DENND4C: variants seen among roughly 807,000 people sequenced by gnomAD.
The protein encoded by DENND4C is DENN domain containing 4C.
Under a neutral mutation model 203.0 loss-of-function variants are expected in DENND4C, and 108 were observed. The ratio of observed to expected loss-of-function variants is 0.53; its 90% CI spans 0.46 to 0.62. The LOEUF (loss-of-function observed/expected upper bound fraction) is 0.62. Ranked by LOEUF, DENND4C falls within the 20% of genes least tolerant of loss-of-function variation. DENND4C has a pLI of 0.00. For missense variants in DENND4C, 2,481 were observed against 2,301.2 expected, an observed-to-expected ratio of 1.08 and a Z score of -1.60; for synonymous variants, 871 against 792.4, an observed-to-expected ratio of 1.10 and a Z score of -1.67.
chr9:19,357,242 T>G, intron 27 of DENND4C, 88 bp downstream of exon 27: 1 of 1,288,078 alleles, frequency 7.8e-7, no homozygotes, highest in African/African-American at 1.5e-5. Flanking sequence ...CTGACTCATA[T>G]AGGCATAAGT....
intron 2 of DENND4C, among the ~76,000 whole-genome samples, chr9:19,278,082 T>C (rs920703295): frequency 6.9e-6 from 1 of 144,902 alleles, no homozygotes; most frequent in East Asian, 1.9e-4. Context: ...TTCTTTTTTT[T>C]TTTTTTTTGA....
chr9:19,309,418 A>T (rs1325019621), intron 10 of DENND4C, among the ~76,000 whole-genome samples: 2 of 150,486 alleles, frequency 1.3e-5, no homozygotes, highest in African/African-American at 4.9e-5. Context: ...GCAAAACTCC[A>T]TCTCAAAAAA....
At chr9:19,283,709 C>A (rs1228812329) in intron 2 of DENND4C, among the ~76,000 whole-genome samples, 1 of 150,370 alleles carries the variant, frequency 6.7e-6, no homozygotes, top group Non-Finnish European at 1.5e-5. Context: ...GCCCCCTCAC[C>A]CCCACCCCCG....
intron 30 of DENND4C, among the ~76,000 whole-genome samples, chr9:19,366,109 G>A (rs916507605): frequency 2.0e-5 from 3 of 152,106 alleles, no homozygotes; most frequent in Non-Finnish European, 2.9e-5. Context: ...TTAGAATCAC[G>A]AAAACAATCT....
At chr9:19,261,108 TAA>T (rs1245938732) in intron 1 of DENND4C, among the ~76,000 whole-genome samples, 1 of 152,140 alleles carries the variant, frequency 6.6e-6, no homozygotes, top group Non-Finnish European at 1.5e-5. Context: ...CAATATTTGT[TAA>T]AGAGACTGTC....
At chr9:19,357,930 A>G (rs1232625622) in intron 27 of DENND4C, 35 bp from the exon 28 acceptor site, 1 of 1,508,416 alleles carries the variant, frequency 6.6e-7, no homozygotes, top group Non-Finnish European at 9.0e-7. Flanking sequence ...GTTTTTCAAC[A>G]TGAACATAGC....
intron 9 of DENND4C, among the ~76,000 whole-genome samples, chr9:19,304,135 C>G (rs1419596573): frequency 7.7e-6 from 1 of 130,538 alleles, no homozygotes; most frequent in Non-Finnish European, 1.7e-5. Context: ...ATGTTTTTTT[C>G]TCTTTTTTCT....
rs1829292668 is a variant in DENND4C, at chr9:19,374,153, G to A, written c.*1980G>A. ...TGTTTTCTGTTACATTAAGCCTCTT[G>A]AAATCTGTAATCTTTAGAATCCCAA... On this transcript the variant is annotated 3_prime_UTR_variant, in exon 33 of 33. Coordinates refer to ENST00000434457, the MANE Select transcript of DENND4C (RefSeq NM_001330640.2). 6.6e-6 allele frequency among the ~76,000 whole-genome samples: 1 copy of A among 152,042 alleles called. No individual in the cohort carries two copies. Among genetic ancestry groups the A allele is most frequent in the Non-Finnish European group, 1.5e-5 (1 of 68,008 alleles).
chr9:19,256,431 C>A (rs569973835), intron 1 of DENND4C, among the ~76,000 whole-genome samples: 1 of 149,940 alleles, frequency 6.7e-6, no homozygotes, highest in Non-Finnish European at 1.5e-5. Flanking sequence ...ATTCTCCTGT[C>A]GCAGCCTCCC....
chr9:19,292,197 A>G (rs558755225), intron 5 of DENND4C: 1 of 144,184 alleles, frequency 6.9e-6, no homozygotes, highest in Admixed American at 7.0e-5. Context: ...CTAATTTTGT[A>G]TTTTTTTTTT....
At chr9:19,351,666 G>A (rs1824149637) in intron 24 of DENND4C, among the ~76,000 whole-genome samples, 1 of 151,892 alleles carries the variant, frequency 6.6e-6, no homozygotes, top group African/African-American at 2.4e-5. Context: ...AATTAGCCAG[G>A]CGTGGCAGCG....
chr9:19,290,805 T>G lies in DENND4C; in HGVS notation c.730T>G (p.Trp244Gly). 1 of 1,613,608 alleles carries G rather than the reference T, an allele frequency of 6.2e-7. No individual in the cohort carries two copies. The highest frequency in any genetic ancestry group is 8.5e-7 in the Non-Finnish European group (1 of 1,179,724). Residue 244 changes from tryptophan to glycine, a missense_variant, in exon 5 of 33, where the codon TGG becomes GGG. Physicochemically the swap from Trp to Gly is radical, Grantham distance 184 (BLOSUM62 -2). Transcript: ENST00000434457. ...CLPMGATIECWDPETKYPLPV... is the reference protein window; with the variant it reads ...CLPMGATIECGDPETKYPLPV... ...TCCTATGGGAGCTACTATTGAGTGC[T>G]GGGATCCTGAAACCAAATATCCACT... is the stretch of plus-strand genomic sequence containing the variant.
chr9:19,262,382 C>T (rs1391253763), intron 1 of DENND4C, among the ~76,000 whole-genome samples: 1 of 151,374 alleles, frequency 6.6e-6, no homozygotes, highest in Non-Finnish European at 1.5e-5. Flanking sequence ...GCCTCTGTGC[C>T]TGGCTGAATG....
intron 12 of DENND4C, among the ~76,000 whole-genome samples, chr9:19,319,375 C>CATATATATAT (rs1234220732): frequency 5.6e-4 from 66 of 117,568 alleles, no homozygotes; most frequent in African/African-American, 2.5e-3. Flanking sequence ...CATATATATA[C>CATATATATAT]ACATACATAT....
rs146369227 is a variant in DENND4C, at chr9:19,346,045, G to A, written c.3276G>A (p.Arg1092=). Residue 1092 remains arginine, a synonymous_variant, in exon 23 of 33, where the codon AGG becomes AGA. Transcript: ENST00000434457. ...GEKRQKHFPE[R]SCSFSSESRA... is the part of the protein sequence containing the mutation. ...AAAGACAAAAGCATTTTCCTGAGAG[G>A]AGTTGTAGTTTTAGTTCTGAAAGTC... 2.1e-5 allele frequency: 34 copies of A among 1,614,022 alleles called. No individual in the cohort carries two copies. The highest frequency in any genetic ancestry group is 2.7e-5 in the Non-Finnish European group (32 of 1,180,036).
chr9:19,240,721 C>G (rs7040994), intron 1 of DENND4C, among the ~76,000 whole-genome samples: 30,113 of 150,482 alleles, frequency 0.2, 3,055 homozygotes, highest in Admixed American at 0.22. Context: ...AATCCCAGCA[C>G]TTTGGGAGGC....
intron 1 of DENND4C, among the ~76,000 whole-genome samples, chr9:19,237,948 G>A (rs1822441660): frequency 2.6e-5 from 4 of 152,094 alleles, no homozygotes; most frequent in Admixed American, 6.6e-5. Flanking sequence ...AAAGTGGGTG[G>A]TTTCTAACAG....
Position 19,336,764 on chromosome 9 carries a change from A to G in DENND4C, c.2813A>G (p.Asn938Ser), listed in dbSNP as rs1419961186. 6.4e-7 allele frequency: 1 copy of G among 1,550,986 alleles called. No individual in the cohort carries two copies. Among genetic ancestry groups the G allele is most frequent in the Admixed American group, 2.0e-5 (1 of 50,994 alleles). ...GTGGATAGTTCTAATGATGCTAACA[A>G]TGGGGAGCACACAGTCTTCGTCAGA... ...GSVDSSNDAN[N>S]GEHTVFVRDL... is the part of the protein sequence containing the mutation. The change falls in exon 20 of 33, where the codon AAT becomes AGT. Residue 938 changes from asparagine (N) to serine (S), a missense_variant. Physicochemically the swap from Asn to Ser is conservative, Grantham distance 46. Coordinates refer to ENST00000434457, the MANE Select transcript of DENND4C (RefSeq NM_001330640.2).
chr9:19,318,834 A>G (rs924156353), intron 12 of DENND4C, among the ~76,000 whole-genome samples: 3 of 152,198 alleles, frequency 2.0e-5, no homozygotes, highest in African/African-American at 7.2e-5. Flanking sequence ...CCCTGTCTCC[A>G]AATAGTTACA....
Sources: gnomAD v4.1 joint callset for allele counts (sites outside exome capture counted in the v4.1 genomes callset) on GRCh38, gnomAD v4.1.1 for gene constraint, MANE v1.5 for transcripts, NCBI Gene and HGNC (gene_info 2026-07-23, HGNC 2026-07-21) for gene names.